Variants in LINGO1 observed in about 807,000 individuals in gnomAD.
LINGO1 encodes leucine rich repeat and Ig domain containing 1.
Under a neutral mutation model 37.3 loss-of-function variants are expected in LINGO1, and 11 were observed. The observed-to-expected ratio is 0.29, with a 90% CI of 0.19 to 0.49. The LOEUF (loss-of-function observed/expected upper bound fraction) is 0.49. Among genes scored for constraint, LINGO1 ranks in the 20% least tolerant of loss-of-function variants. The pLI, the probability that LINGO1 is intolerant of heterozygous loss-of-function variation, is 0.99. For synonymous variants in LINGO1, 387 were observed against 403.0 expected, an observed-to-expected ratio of 0.96 and a Z score of 0.48; for missense variants, 585 against 878.2, an observed-to-expected ratio of 0.67 and a Z score of 4.22.
intron 1 of LINGO1, among the ~76,000 whole-genome samples, chr15:77,628,453 G>A (rs548033515): frequency 6.6e-6 from 1 of 152,192 alleles, no homozygotes; most frequent in Middle Eastern, 3.4e-3. Flanking sequence ...AAATTCCAGA[G>A]GACTGCACAC....
At chr15:77,685,523 A>C (rs2075492945) in intron 2 of LINGO1, among the ~76,000 whole-genome samples, 1 of 152,134 alleles carries the variant, frequency 6.6e-6, no homozygotes, top group South Asian at 2.1e-4. Context: ...AAGGCCTCCC[A>C]TCCCAGAGTA....
At chr15:77,622,898 G>A (rs989435659) in intron 1 of LINGO1, among the ~76,000 whole-genome samples, 10 of 152,182 alleles carry the variant, frequency 6.6e-5, no homozygotes, top group Non-Finnish European at 1.2e-4. Context: ...GGCCTCTGGC[G>A]GGTCCCCTCT....
At chr15:77,729,100 G>T (rs188817917) in intron 2 of LINGO1, among the ~76,000 whole-genome samples, 2 of 152,328 alleles carry the variant, frequency 1.3e-5, no homozygotes, top group Admixed American at 6.5e-5. Context: ...CCACCCAAGC[G>T]CCCAGTTGGC....
At chr15:77,743,812 A>G (rs1013677878) in intron 1 of LINGO1, among the ~76,000 whole-genome samples, 3 of 150,516 alleles carry the variant, frequency 2.0e-5, no homozygotes, top group Non-Finnish European at 4.4e-5. Flanking sequence ...GCTGAAAGCC[A>G]GACTGCGGGG....
In LINGO1 at chr15:77,615,155, T is replaced by C. The variant is rs184237450; in HGVS notation, c.752A>G (p.Tyr251Cys). Residue 251 changes from tyrosine (Y) to cysteine (C), a missense_variant, in exon 2 of 2, where the codon TAC becomes TGC. Physicochemically the swap from Tyr to Cys is radical, Grantham distance 194 (BLOSUM62 -2). Coordinates refer to ENST00000355300, the MANE Select transcript of LINGO1 (RefSeq NM_032808.7). ...LKVLEISHWP[Y>C]LDTMTPNCLY... ...GCAGTTGGGTGTCATGGTGTCCAAG[T>C]AGGGCCAGTGGGAGATCTCCAAGAC... 1 of 1,613,918 alleles carries C rather than the reference T, an allele frequency of 6.2e-7. No individual in the cohort carries two copies. Among genetic ancestry groups the C allele is most frequent in the African/African-American group, 1.3e-5 (1 of 75,028 alleles).
chr15:77,785,356 G>T (rs1386221521), intron 1 of LINGO1, among the ~76,000 whole-genome samples: 1 of 152,194 alleles, frequency 6.6e-6, no homozygotes, highest in African/African-American at 2.4e-5. Context: ...AGTTTGGGCA[G>T]CAGCCACCAG....
At chr15:77,678,527 G>A (rs1461282074) in intron 2 of LINGO1, among the ~76,000 whole-genome samples, 23 of 152,084 alleles carry the variant, frequency 1.5e-4, no homozygotes, top group Admixed American at 1.5e-3. Context: ...TTTCTTTTTT[G>A]TTGCTGCATA....
intron 2 of LINGO1, among the ~76,000 whole-genome samples, chr15:77,681,546 GC>G (rs1713392157): frequency 6.6e-6 from 1 of 152,190 alleles, no homozygotes; most frequent in South Asian, 2.1e-4. Context: ...CTTGGAAAAT[GC>G]CTGACTAGAA....
chr15:77,740,229 G>C lies in LINGO1; in HGVS notation c.-256-5176C>G, dbSNP rs148384761. ...AGGTCTGAAAAACAAGTATGAGACC[G>C]CCAGACAGAGGATGTGGGTGGAGGG... On this transcript the variant is annotated intron_variant, in intron 1 of 3. Transcript: ENST00000561686. 1.1e-3 allele frequency among the ~76,000 whole-genome samples: 163 copies of C among 152,338 alleles called. 1 individual carries two copies. The East Asian group carries it at 0.022, about 20-fold the overall frequency.
chr15:77,683,542 C>T (rs12438069), intron 2 of LINGO1, among the ~76,000 whole-genome samples: 17 of 152,176 alleles, frequency 1.1e-4, no homozygotes, highest in Admixed American at 7.2e-4. Context: ...AAAAAGAACA[C>T]GGCAGATCTG....
chr15:77,666,124 A>ATGAATGAG (rs1408596514), intron 3 of LINGO1, among the ~76,000 whole-genome samples: 2 of 151,510 alleles, frequency 1.3e-5, no homozygotes, highest in African/African-American at 2.4e-5. Context: ...GAATGAATGA[A>ATGAATGAG]TGAATGAGTG....
At chr15:77,621,948 C>T (rs58469778) in intron 1 of LINGO1, among the ~76,000 whole-genome samples, 2,408 of 152,328 alleles carry the variant, frequency 0.016, 70 homozygotes, top group African/African-American at 0.055. Context: ...AGGCGTCTGC[C>T]CCACGAAGGC....
At chr15:77,659,035 G>T (rs1230142368) in intron 3 of LINGO1, among the ~76,000 whole-genome samples, 1 of 152,204 alleles carries the variant, frequency 6.6e-6, no homozygotes, top group African/African-American at 2.4e-5. Flanking sequence ...ATTCATTAAG[G>T]TTGGAGCCCT....
chr15:77,733,435 C>A (rs74868491), intron 2 of LINGO1, among the ~76,000 whole-genome samples: 23,669 of 152,134 alleles, frequency 0.16, 2,332 homozygotes, highest in Admixed American at 0.3. Context: ...CTCCCACCCC[C>A]ATGCCATGAC....
intron 1 of LINGO1, among the ~76,000 whole-genome samples, chr15:77,737,473 AAGAG>A (rs1187770472): frequency 1.3e-5 from 2 of 151,738 alleles, no homozygotes; most frequent in Non-Finnish European, 2.9e-5. Flanking sequence ...GAGGGAGAGG[AAGAG>A]AGAGAGAGGG....
chr15:77,682,596 T>A (rs769918356), intron 2 of LINGO1, among the ~76,000 whole-genome samples: 11 of 152,032 alleles, frequency 7.2e-5, no homozygotes, highest in Admixed American at 2.0e-4. Flanking sequence ...GTCCTCTCTT[T>A]CCCTCTTTCA....
At chr15:77,647,920 C>T (rs2074672291) in intron 3 of LINGO1, 1 of 456,500 alleles carries the variant, frequency 2.2e-6, no homozygotes, top group Non-Finnish European at 4.4e-6. Flanking sequence ...TTCCCCTTCT[C>T]TATGAAAATT....
chr15:77,806,964 C>T (rs1448741403), intron 1 of LINGO1, among the ~76,000 whole-genome samples: 1 of 152,160 alleles, frequency 6.6e-6, no homozygotes, highest in East Asian at 1.9e-4. Context: ...AGATCAAGTC[C>T]AAACTCCCCA....
At chr15:77,656,723 G>C (rs2074874734) in intron 3 of LINGO1, among the ~76,000 whole-genome samples, 2 of 152,298 alleles carry the variant, frequency 1.3e-5, no homozygotes, top group East Asian at 3.9e-4. Flanking sequence ...GCTGCCCCCA[G>C]TGTGTTAGGC....
Sources: allele counts gnomAD v4.1 joint callset (sites outside exome capture counted in the v4.1 genomes callset), GRCh38; gene constraint gnomAD v4.1.1; transcripts MANE v1.5; gene names NCBI Gene and HGNC (gene_info 2026-07-23, HGNC 2026-07-21).